Variants in BRCA1 observed in about 807,000 individuals in gnomAD.
BRCA1 encodes breast cancer type 1 susceptibility protein.
In BRCA1, 140 loss-of-function variants were observed where a neutral mutation model predicts 173.7. That is an observed-to-expected ratio of 0.81 (90% CI 0.70 to 0.93). The LOEUF (loss-of-function observed/expected upper bound fraction) is 0.93. BRCA1 is among the 40% of genes least tolerant of loss of function. The probability of loss-of-function intolerance (pLI) is 0.00; values close to 1 mark genes in which losing one functional copy is unlikely to be tolerated. For synonymous variants in BRCA1, 662 were observed against 756.0 expected, an observed-to-expected ratio of 0.88 and a Z score of 2.04; for missense variants, 1,983 against 2,172.5, an observed-to-expected ratio of 0.91 and a Z score of 1.73.
At chr17:43,135,774 A>C (rs895529486) in intron 1 of BRCA1, among the ~76,000 whole-genome samples, 1 of 152,148 alleles carries the variant, frequency 6.6e-6, no homozygotes, top group Non-Finnish European at 1.5e-5. Context: ...TCTGAATCGC[A>C]ACAGCATCTC....
chr17:43,093,121 GA>G lies in BRCA1; in HGVS notation c.2409del (p.Gln804SerfsTer11), dbSNP rs770460699. On this transcript the variant is annotated frameshift_variant, in exon 10 of 23. Transcript: ENST00000357654. LOFTEE classifies it high-confidence loss of function. ...KAKTEPNKCV[S>X]QCAAFENPKG... ...TTGGGGTTTTCAAATGCTGCACACT[GA>G]CTCACACATTTATTTGGTTCTGTTT... 6.2e-7 allele frequency: 1 copy of G among 1,613,502 alleles called. No homozygotes were observed. Among genetic ancestry groups the G allele is most frequent in the South Asian group, 1.1e-5 (1 of 91,022 alleles).
chr17:43,135,824 C>T (rs1402181985), intron 1 of BRCA1, among the ~76,000 whole-genome samples: 1 of 152,202 alleles, frequency 6.6e-6, no homozygotes, highest in East Asian at 1.9e-4. Context: ...GGGCGAGAGG[C>T]CCTGACCTCT....
chr17:43,061,156 CA>C (rs1410187019), intron 18 of BRCA1, among the ~76,000 whole-genome samples: 1 of 151,924 alleles, frequency 6.6e-6, no homozygotes, highest in Non-Finnish European at 1.5e-5. Context: ...ATCAAAAAAC[CA>C]CACTCATTAT....
At chr17:43,161,323 G>A (rs1343680509) in intron 1 of BRCA1, 1 of 152,198 alleles carries the variant, frequency 6.6e-6, no homozygotes, top group Non-Finnish European at 1.5e-5. Flanking sequence ...TTGTGCCTAA[G>A]TAGCAGGCCC....
upstream of BRCA1, among the ~76,000 whole-genome samples, chr17:43,127,252 TG>T (rs2055912830): frequency 1.3e-5 from 2 of 152,238 alleles, no homozygotes; most frequent in Non-Finnish European, 2.9e-5. Flanking sequence ...TGAAGCCAGC[TG>T]GGCTCCTGAG....
At chr17:43,091,310 C>A in intron 10 of BRCA1, 125 bp downstream of exon 10, 1 of 1,275,706 alleles carries the variant, frequency 7.8e-7, no homozygotes, top group Non-Finnish European at 1.1e-6. Context: ...GAACATGTTT[C>A]AAGTTTAAGA....
At chr17:43,084,412 C>T (rs1375154431) in intron 11 of BRCA1, among the ~76,000 whole-genome samples, 2 of 152,064 alleles carry the variant, frequency 1.3e-5, no homozygotes, top group South Asian at 2.1e-4. Context: ...GTGATCTGCC[C>T]GCCTCGGCCT....
intron 15 of BRCA1, among the ~76,000 whole-genome samples, 174 bp downstream of exon 15, chr17:43,070,754 G>A (rs1597829903): frequency 6.6e-6 from 1 of 152,052 alleles, no homozygotes; most frequent in Admixed American, 6.5e-5. Flanking sequence ...CCACACTATA[G>A]CTTTATCTAG....
chr17:43,081,633 CTG>C (rs898750908), intron 12 of BRCA1, among the ~76,000 whole-genome samples: 2 of 152,186 alleles, frequency 1.3e-5, no homozygotes, highest in African/African-American at 4.8e-5. Context: ...TCCTATGTGT[CTG>C]TTTGTTTGCC....
rs182218567 is a variant in BRCA1, at chr17:43,044,386, A to G, written c.*1292T>C. The G allele has an allele frequency of 1.9e-4, 96 of 506,476 alleles. No individual in the cohort carries two copies. Among genetic ancestry groups the G allele is most frequent in the Non-Finnish European group, 1.7e-4 (44 of 258,396 alleles). The allele number at this position is 506,476 out of a possible 1,614,324, so 31.4% of individuals were successfully genotyped here. A position where few individuals can be genotyped will look rare whatever the true frequency, so the allele number is the denominator to read the frequency against. On this transcript the variant is annotated 3_prime_UTR_variant, in exon 23 of 23. Coordinates refer to ENST00000357654, the MANE Select transcript of BRCA1 (RefSeq NM_007294.4). The stretch of plus-strand genomic sequence containing the variant: ...ACAATCAAGTCTTCACTGCCCTTGC[A>G]CACTGGGGGGGCTAGGGAAGACCTA...
At chr17:43,142,940 G>GTGTATA (rs1472554474) in intron 1 of BRCA1, among the ~76,000 whole-genome samples, 32 of 144,930 alleles carry the variant, frequency 2.2e-4, no homozygotes, top group African/African-American at 8.5e-4. Flanking sequence ...GTGTGTGTGT[G>GTGTATA]TATATATATA....
intron 10 of BRCA1, 151 bp downstream of exon 10, chr17:43,091,284 A>G: frequency 9.0e-7 from 1 of 1,106,952 alleles, no homozygotes; most frequent in Non-Finnish European, 1.3e-6. Context: ...TTTTTCTATG[A>G]AAAGCACCTT....
At chr17:43,138,796 C>G in intron 1 of BRCA1, 1 of 778,848 alleles carries the variant, frequency 1.3e-6, no homozygotes, top group South Asian at 1.3e-5. Context: ...GGCGTGCAGG[C>G]TCTGGTGGTC....
chr17:43,074,167 CTTGA>C (rs779944976), intron 14 of BRCA1, among the ~76,000 whole-genome samples, 160 bp downstream of exon 14: 7 of 152,042 alleles, frequency 4.6e-5, no homozygotes, highest in East Asian at 3.8e-4. Flanking sequence ...TCAAGTAAAC[CTTGA>C]TTAACACTTG....
Position 43,044,772 on chromosome 17 carries a change from G to A in BRCA1, c.*906C>T, listed in dbSNP as rs1352519521. On this transcript the variant is annotated 3_prime_UTR_variant, in exon 23 of 23. Coordinates refer to ENST00000357654, the MANE Select transcript of BRCA1 (RefSeq NM_007294.4). The stretch of plus-strand genomic sequence containing the variant: ...TTAGAAATCTAGCAAATATATCTCA[G>A]ACTTTTAGAAATCTCTTCTAGTTTC... The A allele has an allele frequency of 4.2e-6, 2 of 474,972 alleles. No individual in the cohort carries two copies. Among genetic ancestry groups the A allele is most frequent in the African/African-American group, 2.0e-5 (1 of 49,586 alleles). 29.4% of individuals were successfully genotyped at this position (474,972 alleles called of 1,614,324 possible).
chr17:43,162,632 C>G (rs1295625319), intron 1 of BRCA1: 2 of 152,164 alleles, frequency 1.3e-5, no homozygotes, highest in Non-Finnish European at 2.9e-5. Context: ...TGTCCTACCT[C>G]AGTGACTTGA....
At chr17:43,155,232 C>A (rs1192563289) in intron 1 of BRCA1, among the ~76,000 whole-genome samples, 1 of 150,924 alleles carries the variant, frequency 6.6e-6, no homozygotes, top group Non-Finnish European at 1.5e-5. Flanking sequence ...TGCAGTGGCA[C>A]AATCTCAGCT....
upstream of BRCA1, among the ~76,000 whole-genome samples, chr17:43,130,319 T>C (rs1159617538): frequency 6.6e-6 from 1 of 152,096 alleles, no homozygotes; most frequent in African/African-American, 2.4e-5. Flanking sequence ...GGGCCAATTT[T>C]TTATTTTATT....
intron 2 of BRCA1, among the ~76,000 whole-genome samples, chr17:43,122,721 C>T (rs1053930548): frequency 6.6e-6 from 1 of 151,808 alleles, no homozygotes; most frequent in Non-Finnish European, 1.5e-5. Flanking sequence ...CCAGCATGGC[C>T]AACATAGCAA....
Sources: allele counts gnomAD v4.1 joint callset (sites outside exome capture counted in the v4.1 genomes callset), GRCh38; gene constraint gnomAD v4.1.1; transcripts MANE v1.5; gene names NCBI Gene and HGNC (gene_info 2026-07-23, HGNC 2026-07-21).